HNRNPA1L2: variants seen among roughly 807,000 people sequenced by gnomAD.
HNRNPA1L2 encodes heterogeneous nuclear ribonucleoprotein A1 like 2, also known as heterogeneous nuclear ribonucleoprotein A1-like 2.
HNRNPA1L2 carries 10 observed loss-of-function variants against 18.2 expected under a neutral mutation model. That is an observed-to-expected ratio of 0.55 (90% CI 0.34 to 0.93). The LOEUF is 0.93. Ranked by LOEUF, HNRNPA1L2 falls within the 40% of genes least tolerant of loss-of-function variation. HNRNPA1L2 has a pLI of 0.02. For missense variants in HNRNPA1L2, 308 were observed against 394.4 expected, an observed-to-expected ratio of 0.78 and a Z score of 1.85; for synonymous variants, 124 against 138.6, an observed-to-expected ratio of 0.89 and a Z score of 0.74.
At chr13:52,625,463 A>C in the HNRNPA1L2 span, among the ~76,000 whole-genome samples, 1 of 152,192 alleles carries the variant, frequency 6.6e-6, no homozygotes, top group African/African-American at 2.4e-5. Flanking sequence ...TCTATGAAGA[A>C]AGATCCTTGT....
the HNRNPA1L2 span, chr13:52,637,217 A>G: frequency 0.061 from 9,453 of 154,236 alleles, 337 homozygotes; most frequent in African/African-American, 0.095. Context: ...GGTATTAAAA[A>G]TACACGATCA....
At chr13:52,626,774 C>A in the HNRNPA1L2 span, among the ~76,000 whole-genome samples, 1 of 152,006 alleles carries the variant, frequency 6.6e-6, no homozygotes, top group Non-Finnish European at 1.5e-5. Flanking sequence ...ATGGATAAGC[C>A]CATGTGACCC....
the HNRNPA1L2 span, among the ~76,000 whole-genome samples, chr13:52,630,366 T>C: frequency 4.6e-5 from 7 of 152,288 alleles, no homozygotes; most frequent in African/African-American, 1.7e-4. Context: ...AACCTCTGCC[T>C]CCTGGGTTCT....
chr13:52,620,549 G>A, the HNRNPA1L2 span, among the ~76,000 whole-genome samples: 1 of 152,198 alleles, frequency 6.6e-6, no homozygotes, highest in African/African-American at 2.4e-5. Context: ...AGTGTCTCCT[G>A]GAAACAGCTA....
rs1256382372 is a variant in HNRNPA1L2, at chr13:52,642,987, G to T, written c.495G>T (p.Gln165His). Residue 165 changes from glutamine (Q) to histidine (H), a missense_variant, in exon 1 of 1, where the codon CAG becomes CAT. Gln to His is a conservative substitution (Grantham distance 24, BLOSUM62 0). Coordinates refer to ENST00000357495, the MANE Select transcript of HNRNPA1L2 (RefSeq NM_001389320.1). ...ACTCCGTGGATAAGATTGTCATTCA[G>T]AAATACCATACTGTGAAGGGCCACA... ...DHDSVDKIVIQKYHTVKGHNC... is the reference protein window; with the variant it reads ...DHDSVDKIVIHKYHTVKGHNC... The T allele has an allele frequency of 2.5e-6, 4 of 1,597,468 alleles. No homozygotes were observed. The highest frequency in any genetic ancestry group is 3.4e-6 in the Non-Finnish European group (4 of 1,179,812).
In HNRNPA1L2 at chr13:52,642,640, A is replaced by G. The variant is rs781404512; in HGVS notation, c.148A>G (p.Asn50Asp). The change falls in exon 1 of 1, where the codon AAC becomes GAC. Residue 50 changes from asparagine (N) to aspartate (D), a missense_variant. Asn to Asp is a conservative substitution (Grantham distance 23). Coordinates refer to ENST00000357495, the MANE Select transcript of HNRNPA1L2 (RefSeq NM_001389320.1). The part of the protein sequence containing the change: ...LTDCVVMRDP[N>D]TKRSRGFGFV... ...AGACTGTGTGGTAATGAGAGATCCAAACACCAAGCGCTCCAGGGGCTTTGG... is the reference window on the plus strand; with the variant it reads ...AGACTGTGTGGTAATGAGAGATCCAGACACCAAGCGCTCCAGGGGCTTTGG... 72 of 1,611,700 alleles carry G rather than the reference A, an allele frequency of 4.5e-5. No homozygotes were observed. Among genetic ancestry groups the G allele is most frequent in the Non-Finnish European group, 5.8e-5 (68 of 1,179,852 alleles).
the HNRNPA1L2 span, among the ~76,000 whole-genome samples, chr13:52,632,823 C>T: frequency 6.6e-6 from 1 of 152,166 alleles, no homozygotes; most frequent in Non-Finnish European, 1.5e-5. Flanking sequence ...TGGCTGTTTG[C>T]CTACATGTGT....
chr13:52,627,941 A>G, the HNRNPA1L2 span, among the ~76,000 whole-genome samples: 3 of 152,100 alleles, frequency 2.0e-5, no homozygotes, highest in East Asian at 3.9e-4. Flanking sequence ...TGGTATAGCA[A>G]TCTTCAGGTC....
the HNRNPA1L2 span, among the ~76,000 whole-genome samples, chr13:52,628,428 G>A: frequency 6.6e-6 from 1 of 152,052 alleles, no homozygotes; most frequent in African/African-American, 2.4e-5. Context: ...GGGCGACAGC[G>A]AGAGACCCTG....
At chr13:52,619,188 G>A in the HNRNPA1L2 span, among the ~76,000 whole-genome samples, 1 of 151,940 alleles carries the variant, frequency 6.6e-6, no homozygotes, top group African/African-American at 2.4e-5. Context: ...AGTAGAGATG[G>A]GGTTTCTCCA....
At chr13:52,621,281 ATTTTC>A in the HNRNPA1L2 span, among the ~76,000 whole-genome samples, 13 of 152,130 alleles carry the variant, frequency 8.5e-5, no homozygotes, top group African/African-American at 2.4e-4. Flanking sequence ...GCCATCGATT[ATTTTC>A]TTTTCTGTTC....
At chr13:52,634,878 C>T in the HNRNPA1L2 span, among the ~76,000 whole-genome samples, 1 of 152,138 alleles carries the variant, frequency 6.6e-6, no homozygotes, top group Admixed American at 6.5e-5. Context: ...TCTGAAGGAT[C>T]AAATGAGGTC....
chr13:52,621,310 C>T, the HNRNPA1L2 span, among the ~76,000 whole-genome samples: 1 of 152,128 alleles, frequency 6.6e-6, no homozygotes, highest in South Asian at 2.1e-4. Context: ...TTTAGCTTAG[C>T]TTACAAGTGG....
the HNRNPA1L2 span, among the ~76,000 whole-genome samples, chr13:52,634,727 A>T: frequency 6.6e-6 from 1 of 152,180 alleles, no homozygotes; most frequent in African/African-American, 2.4e-5. Context: ...GGATATAGTC[A>T]TAGGCCCTAC....
chr13:52,632,792 A>G, the HNRNPA1L2 span, among the ~76,000 whole-genome samples: 3 of 152,150 alleles, frequency 2.0e-5, no homozygotes, highest in African/African-American at 7.2e-5. Flanking sequence ...TTATCTCTAA[A>G]CTGCTTTTAA....
At chr13:52,642,208 A>G (rs530159733), upstream of HNRNPA1L2, 15 of 446,656 alleles carry the variant, frequency 3.4e-5, no homozygotes, top group Admixed American at 4.8e-4. Flanking sequence ...TGGGATTACC[A>G]CAAATGACTT....
chr13:52,643,477 G>A lies in HNRNPA1L2; in HGVS notation c.*22G>A, dbSNP rs201514314. On this transcript the variant is annotated 3_prime_UTR_variant, in exon 1 of 1. Transcript: ENST00000357495. ...TTAATTAGGAAACAAAGCTTAGCAG[G>A]AGAGGAGAGCCAGAGAAGTGACAGG... The A allele has an allele frequency of 4.3e-4, 672 of 1,571,104 alleles. 5 individuals are homozygous for A. The East Asian group carries it at 0.011, about 26-fold the overall frequency.
rs772283883 is a variant in HNRNPA1L2, at chr13:52,642,476, C to G, written c.-17C>G. 4 of 1,611,322 alleles carry G rather than the reference C, an allele frequency of 2.5e-6. No individual in the cohort carries two copies. The highest frequency in any genetic ancestry group is 1.3e-5 in the African/African-American group (1 of 74,810). ...CGCTGAAGAAGCATCGTTAAAGTCTCTCTTCACCTTGCCGTCATGTCTAAG... is the reference window on the plus strand; with the variant it reads ...CGCTGAAGAAGCATCGTTAAAGTCTGTCTTCACCTTGCCGTCATGTCTAAG... On this transcript the variant is annotated 5_prime_UTR_variant, in exon 1 of 1. Coordinates refer to ENST00000357495, the MANE Select transcript of HNRNPA1L2 (RefSeq NM_001389320.1).
the HNRNPA1L2 span, among the ~76,000 whole-genome samples, chr13:52,633,908 CT>C: frequency 6.6e-6 from 1 of 152,174 alleles, no homozygotes; most frequent in African/African-American, 2.4e-5. Context: ...ATATGAACTT[CT>C]GATTTTCCCC....
Sources: allele counts gnomAD v4.1 joint callset (sites outside exome capture counted in the v4.1 genomes callset), GRCh38; gene constraint gnomAD v4.1.1; transcripts MANE v1.5; gene names NCBI Gene and HGNC (gene_info 2026-07-23, HGNC 2026-07-21).